SUV39H1: variants seen among roughly 807,000 people sequenced by gnomAD.
SUV39H1 encodes histone-lysine N-methyltransferase SUV39H1.
For synonymous variants in SUV39H1, 141 were observed against 150.5 expected (o/e 0.94, Z 0.46); for missense variants, 180 against 386.3 (o/e 0.47, Z 4.48).
In SUV39H1 at chrX:48,696,814, G is replaced by T; in HGVS notation, c.19+11G>T. 1 of 1,123,092 alleles carries T rather than the reference G, an allele frequency of 8.9e-7. No individual in the cohort carries two copies. The highest frequency in any genetic ancestry group is 3.8e-5 in the East Asian group (1 of 26,253). The allele number at this position is 1,123,092 out of a possible 1,213,427, so 92.6% of individuals were successfully genotyped here. A position where few individuals can be genotyped will look rare whatever the true frequency, so the allele number is the denominator to read the frequency against. On this transcript the variant is annotated intron_variant, in intron 1 of 5. Coordinates refer to ENST00000376687, the MANE Select transcript of SUV39H1 (RefSeq NM_003173.4). ...CGGAAAATTTAAAAGGTGAAGCAGT[G>T]GAGGCAGAGGCGCGGGCCCGCTGGC...
intron 3 of SUV39H1, among the ~76,000 whole-genome samples, chrX:48,704,840 C>A (rs2062485781): frequency 9.0e-6 from 1 of 111,286 alleles, no homozygotes; most frequent in Non-Finnish European, 1.9e-5. Context: ...CACCTGTGAC[C>A]CCTGAGAGTG....
chrX:48,706,850 T>C (rs1438562932), intron 5 of SUV39H1, among the ~76,000 whole-genome samples: 2 of 109,946 alleles, frequency 1.8e-5, no homozygotes, highest in African/African-American at 3.3e-5. Flanking sequence ...GAGGCATTCA[T>C]ACCAACTTCT....
In SUV39H1 at chrX:48,708,474, T is replaced by G. The variant is rs1009059288; in HGVS notation, c.*904T>G. ...GTGCATTGATGGGGTGGTGATGAGG[T>G]GCCAGGCACTGGGTAGAGCACCTGG... On this transcript the variant is annotated 3_prime_UTR_variant, in exon 6 of 6. Coordinates refer to ENST00000376687, the MANE Select transcript of SUV39H1 (RefSeq NM_003173.4). 8.9e-6 allele frequency: 1 copy of G among 112,298 alleles called. No homozygotes were observed. Among genetic ancestry groups the G allele is most frequent in the Non-Finnish European group, 1.9e-5 (1 of 53,122 alleles). 9.3% of individuals were successfully genotyped at this position (112,298 alleles called of 1,213,427 possible).
chrX:48,697,870 T>C (rs1261709774), intron 1 of SUV39H1, among the ~76,000 whole-genome samples: 1 of 112,341 alleles, frequency 8.9e-6, no homozygotes, highest in East Asian at 2.8e-4. Flanking sequence ...AATCCGTGTG[T>C]CTTACAAAAT....
In SUV39H1 at chrX:48,701,040, C is replaced by T. The variant is rs782497021; in HGVS notation, c.828+287C>T. On this transcript the variant is annotated intron_variant, in intron 3 of 5. Transcript: ENST00000376687. ...AGAAAAGTGGGAGCTGAGATCCAGG[C>T]AGCCTTAGCATTCCTTGTAACAGGC... 795 of 399,067 alleles carry T rather than the reference C, an allele frequency of 2.0e-3. 2 individuals carry two copies. The highest frequency in any genetic ancestry group is 3.7e-3 in the South Asian group (115 of 31,013). 32.9% of individuals were successfully genotyped at this position (399,067 alleles called of 1,213,427 possible). A position where few individuals can be genotyped will look rare whatever the true frequency, so the allele number is the denominator to read the frequency against.
chrX:48,701,864 T>C (rs2062476267), intron 3 of SUV39H1, among the ~76,000 whole-genome samples: 1 of 111,611 alleles, frequency 9.0e-6, no homozygotes, highest in Non-Finnish European at 1.9e-5. Context: ...CAACCCCAGA[T>C]ACCTCTATAT....
At chrX:48,707,370 C>T in intron 5 of SUV39H1, 67 bp from the exon 6 acceptor site, 1 of 1,025,778 alleles carries the variant, frequency 9.7e-7, no homozygotes. Context: ...TACCTTCCTC[C>T]CTCCCTCCTT....
intron 3 of SUV39H1, among the ~76,000 whole-genome samples, chrX:48,703,246 G>A (rs1490766931): frequency 1.8e-5 from 2 of 112,353 alleles, no homozygotes; most frequent in East Asian, 2.8e-4. Flanking sequence ...CAGCCTGACC[G>A]GATAGGGTCC....
rs41298458 is a variant in SUV39H1 at position 48,707,894 on chromosome X, C to T, written c.*324C>T. 11 of 325,557 alleles carry T rather than the reference C, an allele frequency of 3.4e-5. 1 individual carries two copies. The highest frequency in any genetic ancestry group is 5.8e-5 in the Non-Finnish European group (10 of 172,748). The allele number at this position is 325,557 out of a possible 1,213,427, so 26.8% of individuals were successfully genotyped here. A position where few individuals can be genotyped will look rare whatever the true frequency, so the allele number is the denominator to read the frequency against. ...CCAAGGGGTGAGTCCCAACCCAGCC[C>T]CAGAATATATTTGTTTTTGCACCTG... On this transcript the variant is annotated 3_prime_UTR_variant, in exon 6 of 6. Transcript: ENST00000376687.
At chrX:48,701,804 A>G (rs2062476142) in intron 3 of SUV39H1, among the ~76,000 whole-genome samples, 1 of 111,889 alleles carries the variant, frequency 8.9e-6, no homozygotes, top group South Asian at 3.7e-4. Flanking sequence ...GACATTTAGC[A>G]TCCCTGGACC....
At chrX:48,699,274 C>T in intron 2 of SUV39H1, 4 of 349,206 alleles carry the variant, frequency 1.1e-5, no homozygotes, top group Non-Finnish European at 9.8e-6. Flanking sequence ...CTTCCCATCT[C>T]CCTAGGAATA....
intron 3 of SUV39H1, among the ~76,000 whole-genome samples, chrX:48,704,566 G>T (rs782508959): frequency 8.9e-6 from 1 of 111,793 alleles, no homozygotes; most frequent in African/African-American, 3.3e-5. Flanking sequence ...TCTCCAGGAG[G>T]TGAAGGGAGA....
chrX:48,708,781 C>G lies in SUV39H1; in HGVS notation c.*1211C>G, dbSNP rs782615297. ...TGCCTTGCTCCTTGCTCCCCCACCC[C>G]CTGTGAGGACTTCTCTAGGAAGTCC... On this transcript the variant is annotated 3_prime_UTR_variant, in exon 6 of 6. Transcript: ENST00000376687. 1.8e-5 allele frequency: 2 copies of G among 111,439 alleles called. No homozygotes were observed. The highest frequency in any genetic ancestry group is 3.8e-5 in the Non-Finnish European group (2 of 52,985). The allele number at this position is 111,439 out of a possible 1,213,427, so 9.2% of individuals were successfully genotyped here.
upstream of SUV39H1, chrX:48,696,541 T>A (rs1382118285): frequency 3.2e-6 from 1 of 313,756 alleles, no homozygotes; most frequent in Non-Finnish European, 5.5e-6. Context: ...CAACTTTAGC[T>A]ACCGCCGCTG....
chrX:48,704,383 A>T (rs1461793490), intron 3 of SUV39H1, among the ~76,000 whole-genome samples: 1 of 111,126 alleles, frequency 9.0e-6, no homozygotes, highest in African/African-American at 3.3e-5. Flanking sequence ...CTACGGTGAA[A>T]AAGATGGCTC....
At chrX:48,696,620 G>A, upstream of SUV39H1, 2 of 659,746 alleles carry the variant, frequency 3.0e-6, no homozygotes, top group Non-Finnish European at 4.1e-6. Context: ...CTCCGGGACC[G>A]AGCCGGGCGG....
At chrX:48,695,937 G>A (rs1557008484), upstream of SUV39H1, 20 of 1,127,296 alleles carry the variant, frequency 1.8e-5, no homozygotes, top group Non-Finnish European at 2.2e-5. Flanking sequence ...CTAGCTGGAT[G>A]TTGTGACTGA....
upstream of SUV39H1, chrX:48,695,960 T>A (rs1768617141): frequency 4.6e-6 from 5 of 1,090,638 alleles, no homozygotes; most frequent in Non-Finnish European, 6.1e-6. Flanking sequence ...GTGGTGTGAA[T>A]GAGAAGTAAT....
At chrX:48,698,790 C>T in intron 1 of SUV39H1, 112 bp from the exon 2 acceptor site, 8 of 945,572 alleles carry the variant, frequency 8.5e-6, no homozygotes, top group Non-Finnish European at 1.1e-5. Flanking sequence ...GATTAAATTT[C>T]CCTGACTCTT....
Sources: gnomAD v4.1 joint callset for allele counts (sites outside exome capture counted in the v4.1 genomes callset) on GRCh38, gnomAD v4.1.1 for gene constraint, MANE v1.5 for transcripts, NCBI Gene and HGNC (gene_info 2026-07-23, HGNC 2026-07-21) for gene names.